Variants in RGS5 observed in about 807,000 individuals in gnomAD.
RGS5 encodes regulator of G protein signaling 5, also known as regulator of G-protein signalling 5.
Under a neutral mutation model 18.9 loss-of-function variants are expected in RGS5, and 20 were observed. The ratio of observed to expected loss-of-function variants is 1.06; its 90% CI spans 0.74 to 1.54. The LOEUF (loss-of-function observed/expected upper bound fraction) is 1.54. Among genes scored for constraint, RGS5 ranks in the 40% most tolerant of loss-of-function variants. RGS5 has a pLI of 0.00. For missense variants in RGS5, 201 were observed against 211.8 expected, an observed-to-expected ratio of 0.95 and a Z score of 0.32; for synonymous variants, 57 against 76.2, an observed-to-expected ratio of 0.75 and a Z score of 1.31.
chr1:163,254,527 A>T (rs1165758221), intron 2 of RGS5, among the ~76,000 whole-genome samples: 3 of 151,864 alleles, frequency 2.0e-5, no homozygotes, highest in East Asian at 3.9e-4. Context: ...GTTGGAGTTC[A>T]TTGTAGATTC....
At chr1:163,308,705 T>A (rs1481465444) in intron 1 of RGS5, 1 of 152,122 alleles carries the variant, frequency 6.6e-6, no homozygotes, top group East Asian at 1.9e-4. Context: ...ATTGAGATAA[T>A]CAAATTTACC....
chr1:163,216,602 G>A (rs926560801), intron 1 of RGS5, among the ~76,000 whole-genome samples: 2 of 152,114 alleles, frequency 1.3e-5, no homozygotes, highest in African/African-American at 2.4e-5. Context: ...CTACTTTTAG[G>A]AGATTTTTCG....
chr1:163,247,852 C>T (rs1433038917), intron 2 of RGS5, among the ~76,000 whole-genome samples: 1 of 152,084 alleles, frequency 6.6e-6, no homozygotes, highest in African/African-American at 2.4e-5. Context: ...CTCTTACAGC[C>T]TAGCATAACG....
rs1178651488 is a variant in RGS5 at position 163,217,242 on chromosome 1, T to TA, written c.69+283dup. Reference sequence around the variant, plus strand: ...GTATCCTTGAATCTAAAATAACAGTTAAAAAAATAAAAAGACTCAGCTGTT... The same window carrying TA: ...GTATCCTTGAATCTAAAATAACAGTTAAAAAAAATAAAAAGACTCAGCTGTT... On this transcript the variant is annotated intron_variant, in intron 1 of 5. Coordinates refer to the RGS5 transcript ENST00000367903. Among the ~76,000 whole-genome samples, 8 of 152,176 alleles carry TA rather than the reference T, an allele frequency of 5.3e-5. No individual in the cohort carries two copies. The East Asian group carries it at 7.7e-4, about 15-fold the overall frequency.
intron 2 of RGS5, among the ~76,000 whole-genome samples, chr1:163,275,314 C>T (rs1259495280): frequency 2.0e-5 from 3 of 151,998 alleles, no homozygotes; most frequent in Non-Finnish European, 4.4e-5. Context: ...CTTAGTGCCC[C>T]CAGGTTTAGC....
chr1:163,227,461 TG>T (rs1017488664), intron 2 of RGS5, among the ~76,000 whole-genome samples: 21 of 152,052 alleles, frequency 1.4e-4, no homozygotes, highest in African/African-American at 5.1e-4. Flanking sequence ...GAGAACAGCA[TG>T]GGGGAAACCA....
chr1:163,300,537 C>T (rs1163792067), intron 2 of RGS5: 1 of 152,134 alleles, frequency 6.6e-6, no homozygotes, highest in African/African-American at 2.4e-5. Flanking sequence ...CCATTTTGTT[C>T]TTCTTTCATG....
At chr1:163,308,493 A>C (rs1299389167) in intron 1 of RGS5, 1 of 152,222 alleles carries the variant, frequency 6.6e-6, no homozygotes, top group Non-Finnish European at 1.5e-5. Context: ...GAAAGGCATA[A>C]TATTAAACTG....
intron 1 of RGS5, among the ~76,000 whole-genome samples, chr1:163,318,379 T>G (rs186663864): frequency 1.3e-5 from 2 of 152,270 alleles, no homozygotes; most frequent in African/African-American, 4.8e-5. Context: ...TCATTCTGGC[T>G]GCTACTTACA....
At chr1:163,308,024 G>C (rs1649752098) in intron 1 of RGS5, among the ~76,000 whole-genome samples, 1 of 152,192 alleles carries the variant, frequency 6.6e-6, no homozygotes, top group South Asian at 2.1e-4. Flanking sequence ...ATCACTTGCA[G>C]AACTACTTTA....
chr1:163,292,938 T>C (rs1489950399), intron 2 of RGS5, among the ~76,000 whole-genome samples: 1 of 152,216 alleles, frequency 6.6e-6, no homozygotes, highest in African/African-American at 2.4e-5. Flanking sequence ...AATGGATAGA[T>C]TGCAAAAATT....
At chr1:163,178,161 A>C (rs1658646518) in intron 1 of RGS5, among the ~76,000 whole-genome samples, 1 of 152,086 alleles carries the variant, frequency 6.6e-6, no homozygotes. Flanking sequence ...ATACAAAAAA[A>C]TTAGCCAGGC....
chr1:163,206,974 T>C (rs1257242319), upstream of RGS5: 1 of 152,234 alleles, frequency 6.6e-6, no homozygotes, highest in African/African-American at 2.4e-5. Flanking sequence ...TTTTTGTTTT[T>C]GTTTTTAGAT....
intron 2 of RGS5, among the ~76,000 whole-genome samples, chr1:163,271,963 CTTA>C (rs1404392429): frequency 6.6e-6 from 1 of 152,002 alleles, no homozygotes; most frequent in Non-Finnish European, 1.5e-5. Flanking sequence ...TTTGTATTGT[CTTA>C]TTTATTTTTT....
intron 2 of RGS5, chr1:163,162,708 G>A (rs1657858159): frequency 6.6e-6 from 1 of 152,008 alleles, no homozygotes; most frequent in Admixed American, 6.6e-5. Flanking sequence ...TTTCTCCTTA[G>A]GCTGTTTCTA....
At chr1:163,249,341 G>A (rs1019925699) in intron 2 of RGS5, among the ~76,000 whole-genome samples, 1 of 152,184 alleles carries the variant, frequency 6.6e-6, no homozygotes, top group Non-Finnish European at 1.5e-5. Flanking sequence ...CTCTTAATTA[G>A]TATGTTGGTT....
intron 2 of RGS5, among the ~76,000 whole-genome samples, chr1:163,270,013 T>C (rs972520200): frequency 6.6e-6 from 1 of 152,200 alleles, no homozygotes; most frequent in Admixed American, 6.6e-5. Context: ...TCATTTTTTT[T>C]CTTAAGACTA....
At chr1:163,318,900 T>A (rs905994174) in intron 1 of RGS5, 1 of 152,112 alleles carries the variant, frequency 6.6e-6, no homozygotes, top group African/African-American at 2.4e-5. Flanking sequence ...GGGAGGAAGT[T>A]ATATATTGTA....
chr1:163,282,154 A>G (rs1280559380), intron 2 of RGS5, among the ~76,000 whole-genome samples: 1 of 152,176 alleles, frequency 6.6e-6, no homozygotes, highest in East Asian at 1.9e-4. Flanking sequence ...GACAACTTGT[A>G]GAATGGGAGA....
Sources: allele counts gnomAD v4.1 joint callset (sites outside exome capture counted in the v4.1 genomes callset), GRCh38; gene constraint gnomAD v4.1.1; transcripts MANE v1.5; gene names NCBI Gene and HGNC (gene_info 2026-07-23, HGNC 2026-07-21).